Variants in WDR5B observed in about 807,000 individuals in gnomAD.
The protein encoded by WDR5B is WD repeat domain 5B.
Under a neutral mutation model 24.0 loss-of-function variants are expected in WDR5B, and 17 were observed. The ratio of observed to expected loss-of-function variants is 0.71; its 90% confidence interval spans 0.49 to 1.06. WDR5B has a LOEUF of 1.06. Ranked by LOEUF, WDR5B falls within the 50% of genes least tolerant of loss-of-function variation. The pLI, the probability that WDR5B is intolerant of heterozygous loss-of-function variation, is 0.00. For missense variants in WDR5B, 368 were observed against 384.1 expected, an observed-to-expected ratio of 0.96 and a Z score of 0.35; for synonymous variants, 150 against 146.4, an observed-to-expected ratio of 1.02 and a Z score of -0.18.
chr3:122,414,166 C>A lies in WDR5B; in HGVS notation c.*370G>T. 4.7e-6 allele frequency: 1 copy of A among 211,452 alleles called. No individual in the cohort carries two copies. 13.1% of individuals were successfully genotyped at this position (211,452 alleles called of 1,614,324 possible). A position where few individuals can be genotyped will look rare whatever the true frequency, so the allele number is the denominator to read the frequency against. ...TACACCTGGACGTGGAGAGCAGAAT[C>A]ATAGACACTAGAGCCTTCAAAGGTG... On this transcript the variant is annotated 3_prime_UTR_variant, in exon 1 of 1. Transcript: ENST00000330689.
Position 122,415,481 on chromosome 3 carries a change from G to C in WDR5B, c.48C>G (p.Ser16=). The change falls in exon 1 of 1, where the codon TCC becomes TCG. Residue 16 remains serine (S), a synonymous_variant. Transcript: ENST00000330689. ...SRDAKAQLAL[S]SSANQSKEVP... is the part of the protein sequence containing the mutation. ...CTTCCTTGCTCTGATTGGCCGATGA[G>C]GAGAGGGCCAACTGTGCTTTGGCGT... 1.2e-6 allele frequency: 2 copies of C among 1,614,108 alleles called. No individual in the cohort carries two copies. Among genetic ancestry groups the C allele is most frequent in the African/African-American group, 2.7e-5 (2 of 75,032 alleles).
rs1159849373 is a variant in WDR5B at position 122,411,885 on chromosome 3, C to CTAAA, written c.*2647_*2650dup. On this transcript the variant is annotated 3_prime_UTR_variant, in exon 1 of 1. Transcript: ENST00000330689. ...TTTTTATTACAAATATTACATTAAACTAAAGCTCACAACTGTTATTATGCA... is the reference window on the plus strand; with the variant it reads ...TTTTTATTACAAATATTACATTAAACTAAATAAAGCTCACAACTGTTATTATGCA... The CTAAA allele has an allele frequency of 6.6e-6, 1 of 152,160 alleles. No individual in the cohort carries two copies. 9.4% of individuals were successfully genotyped at this position (152,160 alleles called of 1,614,324 possible). A position where few individuals can be genotyped will look rare whatever the true frequency, so the allele number is the denominator to read the frequency against.
Position 122,415,621 on chromosome 3 carries a change from T to C in WDR5B, c.-93A>G. 1 of 1,453,886 alleles carries C rather than the reference T, an allele frequency of 6.9e-7. No homozygotes were observed. The highest frequency in any genetic ancestry group is 2.3e-5 in the East Asian group (1 of 43,544). The allele number at this position is 1,453,886 out of a possible 1,614,324, so 90.1% of individuals were successfully genotyped here. A position where few individuals can be genotyped will look rare whatever the true frequency, so the allele number is the denominator to read the frequency against. On this transcript the variant is annotated 5_prime_UTR_variant, in exon 1 of 1. Coordinates refer to ENST00000330689, the MANE Select transcript of WDR5B (RefSeq NM_019069.4). Reference sequence around the variant, plus strand: ...GGCTTTCTGCCCAGCAAAATGAAGATAAACGCACAGGATTTTAAAATGTAC... The same window carrying C: ...GGCTTTCTGCCCAGCAAAATGAAGACAAACGCACAGGATTTTAAAATGTAC...
rs1232100455 is a variant in WDR5B, at chr3:122,412,198, G to A, written c.*2338C>T. ...CCTTGTTGCTTTCAGTTAAATTATT[G>A]TGCTATTTTTTGCTTAATTTCTAGG... On this transcript the variant is annotated 3_prime_UTR_variant, in exon 1 of 1. Transcript: ENST00000330689. 1.3e-5 allele frequency: 2 copies of A among 152,066 alleles called. No homozygotes were observed. The highest frequency in any genetic ancestry group is 3.9e-4 in the East Asian group (2 of 5,188). 9.4% of individuals were successfully genotyped at this position (152,066 alleles called of 1,614,324 possible). A position where few individuals can be genotyped will look rare whatever the true frequency, so the allele number is the denominator to read the frequency against.
chr3:122,412,077 ACT>A lies in WDR5B; in HGVS notation c.*2457_*2458del, dbSNP rs2075708378. The A allele has an allele frequency of 6.6e-6, 1 of 152,120 alleles. No homozygotes were observed. The highest frequency in any genetic ancestry group is 2.4e-5 in the African/African-American group (1 of 41,430). The allele number at this position is 152,120 out of a possible 1,614,324, so 9.4% of individuals were successfully genotyped here. On this transcript the variant is annotated 3_prime_UTR_variant, in exon 1 of 1. Transcript: ENST00000330689. ...TTACAGCACTCCTACCCTACTAGTAACTCTGATATCTCATAGTCCTCAGATTT... is the reference window on the plus strand; with the variant it reads ...TTACAGCACTCCTACCCTACTAGTAACTGATATCTCATAGTCCTCAGATTT...
Position 122,414,472 on chromosome 3 carries a change from AC to A in WDR5B, c.*63del. ...TACCAAACTGCCAAAATTAAAAGAA[AC>A]CGTCTTTTTAAATATCCAAGTTTTT... On this transcript the variant is annotated 3_prime_UTR_variant, in exon 1 of 1. Transcript: ENST00000330689. 1.3e-6 allele frequency: 2 copies of A among 1,518,980 alleles called. No homozygotes were observed. Among genetic ancestry groups the A allele is most frequent in the South Asian group, 1.3e-5 (1 of 76,208 alleles). The allele number at this position is 1,518,980 out of a possible 1,614,324, so 94.1% of individuals were successfully genotyped here. A position where few individuals can be genotyped will look rare whatever the true frequency, so the allele number is the denominator to read the frequency against.
At position 122,415,159 on chromosome 3, in the gene WDR5B, G is replaced by GC; in HGVS notation, c.369dup (p.His124AlafsTer3). ...TTACAACAAAAGACATAATTACTGT[G>GC]CCCCTTCAGTGTTTTCAAACATTTT... is the stretch of plus-strand genomic sequence containing the variant. On this transcript the variant is annotated frameshift_variant, in exon 1 of 1. Coordinates refer to ENST00000330689, the MANE Select transcript of WDR5B (RefSeq NM_019069.4). LOFTEE classifies it high-confidence loss of function. 1 of 1,614,168 alleles carries GC rather than the reference G, an allele frequency of 6.2e-7. No individual in the cohort carries two copies.
rs1467213450 is a variant in WDR5B at position 122,416,020 on chromosome 3, C to G, written c.-492G>C. 1 of 168,546 alleles carries G rather than the reference C, an allele frequency of 5.9e-6. No homozygotes were observed. Among genetic ancestry groups the G allele is most frequent in the Admixed American group, 6.5e-5 (1 of 15,392 alleles). The allele number at this position is 168,546 out of a possible 1,614,324, so 10.4% of individuals were successfully genotyped here. A position where few individuals can be genotyped will look rare whatever the true frequency, so the allele number is the denominator to read the frequency against. ...TACGAAGCCACCGAAACTGGAAACT[C>G]TGGCCTGTCGGCTACTTTTGCTCGT... On this transcript the variant is annotated 5_prime_UTR_variant, in exon 1 of 1. Coordinates refer to ENST00000330689, the MANE Select transcript of WDR5B (RefSeq NM_019069.4).
Position 122,412,677 on chromosome 3 carries a change from A to T in WDR5B, c.*1859T>A, listed in dbSNP as rs1169386551. The stretch of plus-strand genomic sequence containing the variant: ...AACTGAGTTTGAAGCATGGGCAGGA[A>T]TTAGTAGGTCAGACACAGAACAAAA... On this transcript the variant is annotated 3_prime_UTR_variant, in exon 1 of 1. Coordinates refer to ENST00000330689, the MANE Select transcript of WDR5B (RefSeq NM_019069.4). 1.3e-5 allele frequency: 2 copies of T among 152,246 alleles called. No individual in the cohort carries two copies. The highest frequency in any genetic ancestry group is 3.8e-4 in the East Asian group (2 of 5,204). 9.4% of individuals were successfully genotyped at this position (152,246 alleles called of 1,614,324 possible).
rs1280950540 is a variant in WDR5B at position 122,415,454 on chromosome 3, C to CACTT, written c.71_74dup (p.Pro26SerfsTer3). ...TGAGAGCATAGTTTGGGTTTTCAGG[C>CACTT]ACTTCCTTGCTCTGATTGGCCGATG... On this transcript the variant is annotated frameshift_variant, in exon 1 of 1. Coordinates refer to ENST00000330689, the MANE Select transcript of WDR5B (RefSeq NM_019069.4). LOFTEE classifies it high-confidence loss of function. The CACTT allele has an allele frequency of 2.5e-6, 4 of 1,614,092 alleles. No homozygotes were observed. In the East Asian group the frequency reaches 8.9e-5, roughly 36 times the overall value.
Position 122,414,346 on chromosome 3 carries a change from T to G in WDR5B, c.*190A>C. 1.4e-6 allele frequency: 1 copy of G among 711,598 alleles called. No individual in the cohort carries two copies. The highest frequency in any genetic ancestry group is 2.2e-6 in the Non-Finnish European group (1 of 449,300). 44.1% of individuals were successfully genotyped at this position (711,598 alleles called of 1,614,324 possible). A position where few individuals can be genotyped will look rare whatever the true frequency, so the allele number is the denominator to read the frequency against. On this transcript the variant is annotated 3_prime_UTR_variant, in exon 1 of 1. Coordinates refer to ENST00000330689, the MANE Select transcript of WDR5B (RefSeq NM_019069.4). ...ATTACAAAAAGTTGCTCAAAAAAGA[T>G]TGGTAGTCAGAAGCTGAATTCTAGA...
In WDR5B at chr3:122,411,963, A is replaced by G. The variant is rs1436866715; in HGVS notation, c.*2573T>C. ...GTGTTATTCTCCTATTTGATAACATATAGTGACTATCTCTTTATGGGTTAA... is the reference window on the plus strand; with the variant it reads ...GTGTTATTCTCCTATTTGATAACATGTAGTGACTATCTCTTTATGGGTTAA... On this transcript the variant is annotated 3_prime_UTR_variant, in exon 1 of 1. Transcript: ENST00000330689. The G allele has an allele frequency of 2.0e-5, 3 of 152,228 alleles. No individual in the cohort carries two copies. Among genetic ancestry groups the G allele is most frequent in the Non-Finnish European group, 4.4e-5 (3 of 68,044 alleles). The allele number at this position is 152,228 out of a possible 1,614,324, so 9.4% of individuals were successfully genotyped here. A position where few individuals can be genotyped will look rare whatever the true frequency, so the allele number is the denominator to read the frequency against.
At position 122,414,917 on chromosome 3, in the gene WDR5B, C is replaced by G; in HGVS notation, c.612G>C (p.Thr204=). The G allele has an allele frequency of 6.2e-7, 1 of 1,614,150 alleles. No homozygotes were observed. Among genetic ancestry groups the G allele is most frequent in the Non-Finnish European group, 8.5e-7 (1 of 1,180,022 alleles). ...CAGGAGGGTTATCGTCATCAACGAG[C>G]GTTTTTAAACACTGACCTGATGCAG... ...WDAASGQCLK[T]LVDDDNPPVS... Residue 204 remains threonine (T), a synonymous_variant, in exon 1 of 1, where the codon ACG becomes ACC. Transcript: ENST00000330689.
Position 122,415,519 on chromosome 3 carries a change from T to C in WDR5B, c.10A>G (p.Lys4Glu), listed in dbSNP as rs1452957543. The part of the protein sequence containing the change: MAT[K>E]ESRDAKAQLA... ...TGTGCTTTGGCGTCTCTTGACTCCT[T>C]GGTTGCCATGGCTCTGAAGCTCCAA... The change falls in exon 1 of 1, where the codon AAG becomes GAG. Residue 4 changes from lysine (K) to glutamate (E), a missense_variant. Coordinates refer to ENST00000330689, the MANE Select transcript of WDR5B (RefSeq NM_019069.4). The C allele has an allele frequency of 1.9e-6, 3 of 1,610,084 alleles. No homozygotes were observed. Among genetic ancestry groups the C allele is most frequent in the Non-Finnish European group, 2.5e-6 (3 of 1,177,730 alleles).
chr3:122,415,298 T>C lies in WDR5B; in HGVS notation c.231A>G (p.Lys77=). Residue 77 remains lysine, a synonymous_variant, in exon 1 of 1, where the codon AAA becomes AAG. Coordinates refer to ENST00000330689, the MANE Select transcript of WDR5B (RefSeq NM_019069.4). ...IWGAYDGKYE[K]TLYGHNLEIS... Reference sequence around the variant, plus strand: ...TTTCCAAATTATGACCATAGAGTGTTTTCTCATATTTTCCATCATATGCTC... The same window carrying C: ...TTTCCAAATTATGACCATAGAGTGTCTTCTCATATTTTCCATCATATGCTC... The C allele has an allele frequency of 6.2e-7, 1 of 1,614,202 alleles. No individual in the cohort carries two copies. The highest frequency in any genetic ancestry group is 8.5e-7 in the Non-Finnish European group (1 of 1,180,042).
chr3:122,414,433 G>A lies in WDR5B; in HGVS notation c.*103C>T. The stretch of plus-strand genomic sequence containing the variant: ...GTATGAATCTCAAAATTTAACAATA[G>A]ACAATTTTTAAAATACCAAACTGCC... On this transcript the variant is annotated 3_prime_UTR_variant, in exon 1 of 1. Coordinates refer to ENST00000330689, the MANE Select transcript of WDR5B (RefSeq NM_019069.4). 2.2e-6 allele frequency: 3 copies of A among 1,372,630 alleles called. No homozygotes were observed. Among genetic ancestry groups the A allele is most frequent in the Non-Finnish European group, 2.9e-6 (3 of 1,026,114 alleles). The allele number at this position is 1,372,630 out of a possible 1,614,324, so 85.0% of individuals were successfully genotyped here.
chr3:122,415,320 G>T lies in WDR5B; in HGVS notation c.209C>A (p.Ala70Glu). ...TGTTTTCTCATATTTTCCATCATATGCTCCCCAAATTATGATTAGCCTATC... is the reference window on the plus strand; with the variant it reads ...TGTTTTCTCATATTTTCCATCATATTCTCCCCAAATTATGATTAGCCTATC... The part of the protein sequence containing the change: ...SADRLIIIWG[A>E]YDGKYEKTLY... Residue 70 changes from alanine (A) to glutamate (E), a missense_variant, in exon 1 of 1, where the codon GCA becomes GAA. Ala to Glu is a moderately radical substitution (Grantham distance 107). Coordinates refer to ENST00000330689, the MANE Select transcript of WDR5B (RefSeq NM_019069.4). 1 of 1,614,182 alleles carries T rather than the reference G, an allele frequency of 6.2e-7. No individual in the cohort carries two copies. Among genetic ancestry groups the T allele is most frequent in the Non-Finnish European group, 8.5e-7 (1 of 1,180,040 alleles).
Position 122,413,827 on chromosome 3 carries a change from T to A in WDR5B, c.*709A>T, listed in dbSNP as rs1004385373. The A allele has an allele frequency of 1.3e-5, 2 of 152,186 alleles. No individual in the cohort carries two copies. Among genetic ancestry groups the A allele is most frequent in the African/African-American group, 4.8e-5 (2 of 41,418 alleles). 9.4% of individuals were successfully genotyped at this position (152,186 alleles called of 1,614,324 possible). On this transcript the variant is annotated 3_prime_UTR_variant, in exon 1 of 1. Transcript: ENST00000330689. Reference sequence around the variant, plus strand: ...ATAATAGTGCTGTTTATCGCAGCACTATTCGTAATAGCAAAGTTATGGAAC... The same window carrying A: ...ATAATAGTGCTGTTTATCGCAGCACAATTCGTAATAGCAAAGTTATGGAAC...
chr3:122,414,398 T>C lies in WDR5B; in HGVS notation c.*138A>G. On this transcript the variant is annotated 3_prime_UTR_variant, in exon 1 of 1. Transcript: ENST00000330689. ...GTGCTTTTTCAACTATCTCATTTTG[T>C]AAATGTAGTGTATGAATCTCAAAAT... is the stretch of plus-strand genomic sequence containing the variant. 3 of 1,056,460 alleles carry C rather than the reference T, an allele frequency of 2.8e-6. No homozygotes were observed. In the South Asian group the frequency reaches 5.2e-5, roughly 18 times the overall value. 65.4% of individuals were successfully genotyped at this position (1,056,460 alleles called of 1,614,324 possible). A position where few individuals can be genotyped will look rare whatever the true frequency, so the allele number is the denominator to read the frequency against.
Sources: gnomAD v4.1 joint callset for allele counts on GRCh38, gnomAD v4.1.1 for gene constraint, MANE v1.5 for transcripts, NCBI Gene and HGNC (gene_info 2026-07-23, HGNC 2026-07-21) for gene names.